KDM2B: variants seen among roughly 807,000 people sequenced by gnomAD.
KDM2B encodes lysine demethylase 2B, also known as lysine-specific demethylase 2B.
In KDM2B, 26 loss-of-function variants were observed where a neutral mutation model predicts 150.0. The observed-to-expected ratio is 0.17, with a 90% CI of 0.13 to 0.24. The LOEUF (loss-of-function observed/expected upper bound fraction) is 0.24, where lower values mean the gene tolerates loss of function less well. Among genes scored for constraint, KDM2B ranks in the 10% least tolerant of loss-of-function variants. The pLI is 1.00. For synonymous variants in KDM2B, 734 were observed against 729.5 expected (o/e 1.01, Z -0.10); for missense variants, 1,265 against 1,816.9 (o/e 0.70, Z 5.52).
intron 8 of KDM2B, among the ~76,000 whole-genome samples, chr12:121,526,212 G>C (rs372845245): frequency 2.6e-5 from 4 of 152,112 alleles, no homozygotes; most frequent in Admixed American, 6.6e-5. Flanking sequence ...AATTAGCTGG[G>C]TGTGGTGGCA....
rs1872671551 is a variant in KDM2B at position 121,429,129 on chromosome 12, G to A, written c.*1159C>T. 1 of 152,626 alleles carries A rather than the reference G, an allele frequency of 6.6e-6. No homozygotes were observed. The highest frequency in any genetic ancestry group is 1.5e-5 in the Non-Finnish European group (1 of 68,038). 9.5% of individuals were successfully genotyped at this position (152,626 alleles called of 1,614,324 possible). A position where few individuals can be genotyped will look rare whatever the true frequency, so the allele number is the denominator to read the frequency against. On this transcript the variant is annotated 3_prime_UTR_variant, in exon 23 of 23. Transcript: ENST00000377071. The stretch of plus-strand genomic sequence containing the variant: ...TCAAAACAGTGTTTACTGACTCTGG[G>A]CTTAAACTTCTAGTCCACTCCTAGA...
chr12:121,496,596 G>A (rs1331410311), intron 11 of KDM2B, among the ~76,000 whole-genome samples: 8 of 149,568 alleles, frequency 5.3e-5, no homozygotes, highest in African/African-American at 2.0e-4. Flanking sequence ...CTGGGCTCAA[G>A]TGATCCTCCC....
chr12:121,432,325 C>CG (rs1388920962), intron 22 of KDM2B, among the ~76,000 whole-genome samples: 5 of 152,162 alleles, frequency 3.3e-5, no homozygotes, highest in Non-Finnish European at 7.3e-5. Flanking sequence ...ACAATTCCTT[C>CG]GGGAAACTCA....
chr12:121,502,064 A>G (rs1449080361), intron 11 of KDM2B, among the ~76,000 whole-genome samples: 7 of 152,154 alleles, frequency 4.6e-5, no homozygotes, highest in Non-Finnish European at 1.0e-4. Context: ...CTCAAGAGAA[A>G]AAAGCTGTGA....
intron 6 of KDM2B, among the ~76,000 whole-genome samples, chr12:121,540,709 G>A (rs1888539061): frequency 7.0e-6 from 1 of 141,984 alleles, no homozygotes; most frequent in African/African-American, 2.7e-5. Context: ...AGCCGAGATT[G>A]CATCACCGGC....
chr12:121,567,733 C>G (rs1323674166), intron 4 of KDM2B, among the ~76,000 whole-genome samples: 2 of 123,542 alleles, frequency 1.6e-5, no homozygotes, highest in Non-Finnish European at 3.2e-5. Context: ...TTTTTTGAGA[C>G]GGAGTCTCAC....
At chr12:121,550,182 C>T (rs1429363125) in intron 4 of KDM2B, among the ~76,000 whole-genome samples, 2 of 152,042 alleles carry the variant, frequency 1.3e-5, no homozygotes, top group East Asian at 1.9e-4. Context: ...TGGTGGCTCA[C>T]GCCTATAGTG....
intron 6 of KDM2B, among the ~76,000 whole-genome samples, chr12:121,541,395 CAAAAAAAAAAAA>C (rs59029432): frequency 3.4e-5 from 1 of 29,346 alleles, no homozygotes; most frequent in Non-Finnish European, 8.6e-5. Flanking sequence ...GCCCCTGTCT[CAAAAAAAAAAAA>C]AAAAAAAAAA....
chr12:121,431,295 CT>C (rs71453557), intron 22 of KDM2B, among the ~76,000 whole-genome samples: 5,470 of 98,504 alleles, frequency 0.056, 71 homozygotes, highest in South Asian at 0.097. Context: ...CCATGTGCAA[CT>C]TTTTTTTTTT....
In KDM2B at chr12:121,494,519, C is replaced by G. The variant is rs782063180; in HGVS notation, c.1734+60G>C. On this transcript the variant is annotated intron_variant, in intron 12 of 22. Coordinates refer to ENST00000377071, the MANE Select transcript of KDM2B (RefSeq NM_032590.5). ...ACCCAAAAAGTCGCGGCTGTTCACC[C>G]TACAGGAGGTGGGAAGGAGGTGGGA... is the stretch of plus-strand genomic sequence containing the variant. 2.9e-6 allele frequency: 4 copies of G among 1,371,238 alleles called. No homozygotes were observed. The Admixed American group carries it at 7.3e-5, about 25-fold the overall frequency. The allele number at this position is 1,371,238 out of a possible 1,614,324, so 84.9% of individuals were successfully genotyped here. A position where few individuals can be genotyped will look rare whatever the true frequency, so the allele number is the denominator to read the frequency against.
intron 11 of KDM2B, among the ~76,000 whole-genome samples, chr12:121,506,532 C>A (rs1027267302): frequency 6.6e-6 from 1 of 152,096 alleles, no homozygotes; most frequent in Non-Finnish European, 1.5e-5. Flanking sequence ...CAAGGCTAAA[C>A]TAAATATCTC....
the KDM2B span, among the ~76,000 whole-genome samples, chr12:121,415,869 T>C: frequency 7.1e-6 from 1 of 140,968 alleles, no homozygotes; most frequent in East Asian, 2.1e-4. Flanking sequence ...TTTACATGCC[T>C]GTGTACATGT....
intron 11 of KDM2B, among the ~76,000 whole-genome samples, chr12:121,505,363 G>A (rs891321659): frequency 2.1e-4 from 31 of 151,182 alleles, no homozygotes; most frequent in Admixed American, 2.0e-3. Context: ...ATGGTAAATT[G>A]TGTTACGTGT....
intron 12 of KDM2B, among the ~76,000 whole-genome samples, chr12:121,462,116 C>T (rs1555293850): frequency 6.6e-6 from 1 of 152,224 alleles, no homozygotes; most frequent in African/African-American, 2.4e-5. Context: ...AAGGGAAGGC[C>T]ACAGGCCCCC....
intron 19 of KDM2B, 136 bp from the exon 20 acceptor site, chr12:121,441,369 A>T: frequency 1.3e-6 from 1 of 768,740 alleles, no homozygotes; most frequent in South Asian, 1.9e-5. Context: ...TTCTCTATGT[A>T]GCACCTATCC....
At chr12:121,502,713 G>A (rs1310357863) in intron 11 of KDM2B, among the ~76,000 whole-genome samples, 1 of 143,812 alleles carries the variant, frequency 7.0e-6, no homozygotes, top group Non-Finnish European at 1.5e-5. Context: ...CTTGAGCCAA[G>A]GAGTTCGAGA....
At chr12:121,411,618 A>G in the KDM2B span, among the ~76,000 whole-genome samples, 1 of 152,214 alleles carries the variant, frequency 6.6e-6, no homozygotes, top group Non-Finnish European at 1.5e-5. Context: ...AAGAAAACAT[A>G]TTTTGAACTT....
chr12:121,509,422 AC>A, intron 11 of KDM2B, 144 bp downstream of exon 11: 2 of 1,413,256 alleles, frequency 1.4e-6, no homozygotes, highest in African/African-American at 2.9e-5. Context: ...GTGGACTGAG[AC>A]CCCAGAAGCC....
At chr12:121,580,247 A>T in intron 1 of KDM2B, 4 of 896,204 alleles carry the variant, frequency 4.5e-6, no homozygotes, top group Admixed American at 5.1e-5. Context: ...CATTTTCAGC[A>T]GTTGTGGGGG....
Sources: gnomAD v4.1 joint callset for allele counts (sites outside exome capture counted in the v4.1 genomes callset) on GRCh38, gnomAD v4.1.1 for gene constraint, MANE v1.5 for transcripts, NCBI Gene and HGNC (gene_info 2026-07-23, HGNC 2026-07-21) for gene names.